COL25A1: variants seen among roughly 807,000 people sequenced by gnomAD.
COL25A1 encodes collagen alpha-1(XXV) chain.
A neutral mutation model predicts 128.4 loss-of-function variants in COL25A1; 103 were observed. The observed-to-expected ratio is 0.80, with a 90% confidence interval of 0.68 to 0.94. COL25A1 has a LOEUF of 0.94. Ranked by LOEUF, COL25A1 falls within the 40% of genes least tolerant of loss-of-function variation. The pLI, the probability that COL25A1 is intolerant of heterozygous loss-of-function variation, is 0.00. For missense variants in COL25A1, 745 were observed against 840.0 expected, an observed-to-expected ratio of 0.89 and a Z score of 1.40; for synonymous variants, 279 against 277.2, an observed-to-expected ratio of 1.01 and a Z score of -0.06.
chr4:109,065,171 T>C (rs1237055035), intron 3 of COL25A1, among the ~76,000 whole-genome samples: 1 of 152,198 alleles, frequency 6.6e-6, no homozygotes, highest in Non-Finnish European at 1.5e-5. Context: ...GCTCAGGGCA[T>C]GATGCAGGCA....
intron 5 of COL25A1, among the ~76,000 whole-genome samples, chr4:109,034,564 T>C (rs1383058816): frequency 6.6e-6 from 1 of 152,214 alleles, no homozygotes; most frequent in Non-Finnish European, 1.5e-5. Context: ...ATTCATTAAC[T>C]TAAAAAATGA....
At chr4:109,153,676 G>A (rs1366808733) in intron 3 of COL25A1, among the ~76,000 whole-genome samples, 1 of 152,186 alleles carries the variant, frequency 6.6e-6, no homozygotes, top group Non-Finnish European at 1.5e-5. Context: ...TACTGGTTCT[G>A]TAGAATTTAT....
chr4:109,208,943 A>T (rs1777269254), intron 3 of COL25A1, among the ~76,000 whole-genome samples: 1 of 152,192 alleles, frequency 6.6e-6, no homozygotes, highest in Non-Finnish European at 1.5e-5. Flanking sequence ...GTGCTGAGAA[A>T]ATAGGGAGTA....
intron 11 of COL25A1, among the ~76,000 whole-genome samples, chr4:108,935,458 C>A (rs957366324): frequency 6.6e-6 from 1 of 152,138 alleles, no homozygotes; most frequent in Non-Finnish European, 1.5e-5. Flanking sequence ...AAGAGGTTTT[C>A]TCTTTGAAAA....
intron 11 of COL25A1, among the ~76,000 whole-genome samples, chr4:108,935,017 A>G (rs1259474109): frequency 6.6e-6 from 1 of 152,222 alleles, no homozygotes; most frequent in East Asian, 1.9e-4. Context: ...CCTCCTTCAC[A>G]GATGAGAAAT....
intron 5 of COL25A1, among the ~76,000 whole-genome samples, chr4:109,024,091 T>C (rs1758011425): frequency 6.6e-6 from 1 of 152,218 alleles, no homozygotes; most frequent in Non-Finnish European, 1.5e-5. Context: ...GCCAATACTT[T>C]ATTATAAAAT....
chr4:109,218,357 G>GTTTTTTTTTTTTTT (rs34056401), intron 3 of COL25A1, among the ~76,000 whole-genome samples: 17 of 73,564 alleles, frequency 2.3e-4, no homozygotes, highest in Non-Finnish European at 3.3e-4. Context: ...GTTTTTTGGG[G>GTTTTTTTTTTTTTT]TTTTTTTTTT....
intron 3 of COL25A1, among the ~76,000 whole-genome samples, chr4:109,179,796 G>A (rs1578370338): frequency 6.6e-6 from 1 of 152,200 alleles, no homozygotes; most frequent in South Asian, 2.1e-4. Context: ...GAGGTTTAGA[G>A]AGTTCTGTGT....
At chr4:109,214,436 T>G (rs1193558923) in intron 3 of COL25A1, among the ~76,000 whole-genome samples, 2 of 152,060 alleles carry the variant, frequency 1.3e-5, no homozygotes, top group Non-Finnish European at 2.9e-5. Context: ...ATTGTTTATG[T>G]ACAGTAACAC....
chr4:108,996,177 T>C (rs1023955882), intron 6 of COL25A1, among the ~76,000 whole-genome samples: 7 of 150,290 alleles, frequency 4.7e-5, no homozygotes, highest in Non-Finnish European at 7.4e-5. Context: ...GACTGGCAAA[T>C]TGGATAAAGA....
intron 8 of COL25A1, among the ~76,000 whole-genome samples, chr4:108,942,691 C>A (rs1748263932): frequency 6.6e-6 from 1 of 151,438 alleles, no homozygotes; most frequent in Non-Finnish European, 1.5e-5. Context: ...CTCAGGTGAT[C>A]CACCGGCCTT....
At chr4:109,032,276 G>A (rs781712256) in intron 5 of COL25A1, among the ~76,000 whole-genome samples, 11 of 152,092 alleles carry the variant, frequency 7.2e-5, no homozygotes, top group Non-Finnish European at 1.6e-4. Flanking sequence ...TTCCACAGTG[G>A]AAGGCATGCC....
intron 6 of COL25A1, among the ~76,000 whole-genome samples, chr4:109,002,925 C>T (rs1457301993): frequency 1.3e-5 from 2 of 152,114 alleles, no homozygotes; most frequent in African/African-American, 4.8e-5. Context: ...TGCTCTCCCT[C>T]TCCTTGCCCC....
chr4:108,889,122 C>T (rs913756149), intron 18 of COL25A1, 99 bp downstream of exon 18: 19 of 1,118,016 alleles, frequency 1.7e-5, no homozygotes, highest in Middle Eastern at 2.0e-4. Context: ...ATGAAAACCG[C>T]ATCATTTTGT....
chr4:109,272,943 GT>G (rs1240196233), intron 3 of COL25A1, among the ~76,000 whole-genome samples: 4 of 152,150 alleles, frequency 2.6e-5, no homozygotes, highest in African/African-American at 9.7e-5. Context: ...GAAAAGGAAA[GT>G]TAGGGTCAAT....
chr4:109,164,681 T>C (rs1384358987), intron 3 of COL25A1, among the ~76,000 whole-genome samples: 1 of 152,200 alleles, frequency 6.6e-6, no homozygotes, highest in Non-Finnish European at 1.5e-5. Context: ...GCATGCTTTA[T>C]AAAAGGATAG....
At chr4:109,029,310 C>T (rs1489088731) in intron 5 of COL25A1, among the ~76,000 whole-genome samples, 3 of 152,062 alleles carry the variant, frequency 2.0e-5, no homozygotes, top group Non-Finnish European at 4.4e-5. Flanking sequence ...ACATGAATCA[C>T]CTCTTTGTCT....
chr4:109,178,280 G>T (rs533861963), intron 3 of COL25A1, among the ~76,000 whole-genome samples: 3 of 152,144 alleles, frequency 2.0e-5, no homozygotes, highest in Non-Finnish European at 2.9e-5. Flanking sequence ...CAACTACGTT[G>T]GGTAAGGATT....
At chr4:109,284,590 A>G (rs59231158) in intron 3 of COL25A1, among the ~76,000 whole-genome samples, 15,078 of 152,198 alleles carry the variant, frequency 0.099, 2,162 homozygotes, top group African/African-American at 0.32. Context: ...AACTACCAGA[A>G]AGCCATGGGG....
Sources: gnomAD v4.1 joint callset for allele counts (sites outside exome capture counted in the v4.1 genomes callset) on GRCh38, gnomAD v4.1.1 for gene constraint, MANE v1.5 for transcripts, NCBI Gene and HGNC (gene_info 2026-07-23, HGNC 2026-07-21) for gene names.